The following SPP1 variants were observed in gnomAD, a reference collection of about 807,000 sequenced individuals.
SPP1 encodes osteopontin.
Under a neutral mutation model 20.8 loss-of-function variants are expected in SPP1, and 18 were observed. That is an observed-to-expected ratio of 0.87 (90% CI 0.60 to 1.29). SPP1 has a LOEUF of 1.29. SPP1 is among the 50% of genes most tolerant of loss of function. The pLI is 0.00. For synonymous variants in SPP1, 146 were observed against 141.5 expected (o/e 1.03, Z -0.23); for missense variants, 363 against 389.0 (o/e 0.93, Z 0.56).
At chr4:87,981,411 G>C in intron 5 of SPP1, 64 bp from the exon 6 acceptor site, 1 of 1,385,310 alleles carries the variant, frequency 7.2e-7, no homozygotes, top group Non-Finnish European at 1.0e-6. Flanking sequence ...AGACTAATGT[G>C]CTATAAAGGC....
At chr4:87,976,485 AT>A (rs1476978958) in intron 1 of SPP1, among the ~76,000 whole-genome samples, 2 of 152,010 alleles carry the variant, frequency 1.3e-5, no homozygotes, top group African/African-American at 4.8e-5. Context: ...AATTTTTTTC[AT>A]TTTTTTCTGT....
At chr4:87,979,342 T>A (rs540644399) in intron 3 of SPP1, among the ~76,000 whole-genome samples, 9 of 151,812 alleles carry the variant, frequency 5.9e-5, no homozygotes, top group Non-Finnish European at 1.3e-4. Context: ...TTTTTTTTAT[T>A]TTTATTTTTT....
In SPP1 at chr4:87,982,668, C is replaced by A. The variant is rs370759549; in HGVS notation, c.717C>A (p.Ser239Arg). The change falls in exon 7 of 7, where the codon AGC (serine) becomes AGA (arginine). Residue 239 changes from serine to arginine, a missense_variant. Ser to Arg is a moderately radical substitution (Grantham distance 110). Coordinates refer to ENST00000395080, the MANE Select transcript of SPP1 (RefSeq NM_001040058.2). ...QLDDQSAETHSHKQSRLYKRK... is the reference protein window; with the variant it reads ...QLDDQSAETHRHKQSRLYKRK... The stretch of plus-strand genomic sequence containing the variant: ...ATGACCAGAGTGCTGAAACCCACAG[C>A]CACAAGCAGTCCAGATTATATAAGC... 1 of 1,614,048 alleles carries A rather than the reference C, an allele frequency of 6.2e-7. No homozygotes were observed. Among genetic ancestry groups the A allele is most frequent in the East Asian group, 2.2e-5 (1 of 44,862 alleles).
chr4:87,982,404 G>T, intron 6 of SPP1, 88 bp from the exon 7 acceptor site: 1 of 1,462,002 alleles, frequency 6.8e-7, no homozygotes, highest in South Asian at 1.4e-5. Context: ...AGTATAAGAT[G>T]ACCTAAAAGC....
intron 1 of SPP1, among the ~76,000 whole-genome samples, chr4:87,976,113 G>A (rs544386923): frequency 1.3e-5 from 2 of 152,076 alleles, no homozygotes; most frequent in Non-Finnish European, 2.9e-5. Flanking sequence ...ATTTTCAGTG[G>A]GTGACTGTGC....
chr4:87,980,835 C>A (rs1725612343), intron 5 of SPP1: 1 of 171,992 alleles, frequency 5.8e-6, no homozygotes, highest in African/African-American at 2.4e-5. Flanking sequence ...ATTTGCTAAG[C>A]AAAGAGTAAA....
At chr4:87,980,489 G>A in intron 5 of SPP1, 55 bp downstream of exon 5, 1 of 1,578,804 alleles carries the variant, frequency 6.3e-7, no homozygotes, top group Non-Finnish European at 8.7e-7. Flanking sequence ...ATGAAAGAAG[G>A]CATTGCCTGG....
rs1480749910 is a variant in SPP1 at position 87,981,714 on chromosome 4, A to G, written c.456A>G (p.Thr152=). 1 of 1,614,218 alleles carries G rather than the reference A, an allele frequency of 6.2e-7. No homozygotes were observed. Among genetic ancestry groups the G allele is most frequent in the East Asian group, 2.2e-5 (1 of 44,878 alleles). The change falls in exon 6 of 7, where the codon ACA becomes ACG. Residue 152 remains threonine, a synonymous_variant. Coordinates refer to ENST00000395080, the MANE Select transcript of SPP1 (RefSeq NM_001040058.2). The stretch of plus-strand genomic sequence containing the variant: ...AAGTTTTCACTCCAGTTGTCCCCAC[A>G]GTAGACACATATGATGGCCGAGGTG... ...ATEVFTPVVP[T]VDTYDGRGDS...
intron 3 of SPP1, chr4:87,977,845 A>T: frequency 7.9e-7 from 1 of 1,258,058 alleles, no homozygotes; most frequent in Non-Finnish European, 1.0e-6. Context: ...GAAGACATTA[A>T]AAGAAGTATT....
chr4:87,978,398 T>TCCGCC (rs1725487406), intron 3 of SPP1, among the ~76,000 whole-genome samples: 1 of 141,952 alleles, frequency 7.0e-6, no homozygotes, highest in African/African-American at 2.6e-5. Flanking sequence ...CTTTTTTTTT[T>TCCGCC]TTTTTTTTTT....
intron 3 of SPP1, chr4:87,977,678 A>C (rs1051382488): frequency 8.1e-7 from 1 of 1,228,590 alleles, no homozygotes; most frequent in Non-Finnish European, 1.0e-6. Flanking sequence ...AGATGTACCT[A>C]CCCCTCCACA....
Position 87,979,191 on chromosome 4 carries a change from G to A in SPP1, c.94-855G>A, listed in dbSNP as rs536928181. On this transcript the variant is annotated intron_variant, in intron 3 of 6. Coordinates refer to ENST00000395080, the MANE Select transcript of SPP1 (RefSeq NM_001040058.2). ...TTTTTTTTTTTTTTTTTGAGATGGA[G>A]TCTTGCTCTGTCACCCAGGCTGGAG... 9.2e-3 allele frequency among the ~76,000 whole-genome samples: 1,161 copies of A among 126,030 alleles called. 15 individuals are homozygous for A. The highest frequency in any genetic ancestry group is 0.033 in the African/African-American group (1,077 of 33,032). The allele number at this position is 126,030 out of a possible 152,430, so 82.7% of individuals were successfully genotyped here. A position where few individuals can be genotyped will look rare whatever the true frequency, so the allele number is the denominator to read the frequency against.
At chr4:87,977,493 A>G (rs1256654591) in intron 3 of SPP1, among the ~76,000 whole-genome samples, 3 of 152,242 alleles carry the variant, frequency 2.0e-5, no homozygotes, top group Admixed American at 6.5e-5. Flanking sequence ...AACTGTTTGT[A>G]TGACCATAAT....
chr4:87,977,636 A>T lies in SPP1; in HGVS notation c.93+539A>T, dbSNP rs1336143190. On this transcript the variant is annotated intron_variant, in intron 3 of 6. Transcript: ENST00000395080. ...TCTAACCAAACATAAGACCAACCAA[A>T]CTCTTTATTATAATTATTTGACCAG... 4.5e-6 allele frequency: 5 copies of T among 1,105,540 alleles called. No individual in the cohort carries two copies. The African/African-American group carries it at 8.3e-5, about 18-fold the overall frequency. The allele number at this position is 1,105,540 out of a possible 1,614,324, so 68.5% of individuals were successfully genotyped here. A position where few individuals can be genotyped will look rare whatever the true frequency, so the allele number is the denominator to read the frequency against.
Position 87,977,066 on chromosome 4 carries a change from A to G in SPP1, c.62A>G (p.Gln21Arg), listed in dbSNP as rs1382184484. ...ATCTTTTCTGTTTCTAAGGTTAAAC[A>G]GGCTGATTCTGGAAGTTCTGAGGAA... Reference protein sequence around the residue: ...LGITCAIPVKQADSGSSEEKQ... With the variant: ...LGITCAIPVKRADSGSSEEKQ... Residue 21 changes from glutamine to arginine, a missense_variant, in exon 3 of 7, where the codon CAG becomes CGG. By Grantham distance (43) the Gln-to-Arg change is conservative (BLOSUM62 1). Transcript: ENST00000395080. The G allele has an allele frequency of 1.2e-6, 2 of 1,614,020 alleles. No individual in the cohort carries two copies. Among genetic ancestry groups the G allele is most frequent in the Non-Finnish European group, 1.7e-6 (2 of 1,179,972 alleles).
Position 87,982,946 on chromosome 4 carries a change from T to C in SPP1, c.*50T>C. 2.0e-6 allele frequency: 3 copies of C among 1,504,614 alleles called. No homozygotes were observed. The highest frequency in any genetic ancestry group is 1.8e-6 in the Non-Finnish European group (2 of 1,121,554). 93.2% of individuals were successfully genotyped at this position (1,504,614 alleles called of 1,614,324 possible). ...CTTTGCATTTAGTCAAAAGAAAAAA[T>C]GCTTTATAGCAAAATGAAAGAGAAC... On this transcript the variant is annotated 3_prime_UTR_variant, in exon 7 of 7. Coordinates refer to ENST00000395080, the MANE Select transcript of SPP1 (RefSeq NM_001040058.2).
rs1725396581 is a variant in SPP1 at position 87,976,842 on chromosome 4, C to G, written c.-14-40C>G. On this transcript the variant is annotated intron_variant, in intron 1 of 6. Transcript: ENST00000395080. ...TATAAAAAGGTATCACTGTTGTAAC[C>G]TATGAAGATGTCAGCTATTCCTTAT... The G allele has an allele frequency of 6.9e-6, 10 of 1,452,240 alleles. No individual in the cohort carries two copies. The South Asian group carries it at 1.2e-4, about 17-fold the overall frequency. The allele number at this position is 1,452,240 out of a possible 1,614,324, so 90.0% of individuals were successfully genotyped here. A position where few individuals can be genotyped will look rare whatever the true frequency, so the allele number is the denominator to read the frequency against.
Position 87,977,106 on chromosome 4 carries a change from C to T in SPP1, c.93+9C>T, listed in dbSNP as rs754185732. Reference sequence around the variant, plus strand: ...GTTCTGAGGAAAAGCAGGTAAGCATCTTTTATGTTTTTATATAGTTAAATC... The same window carrying T: ...GTTCTGAGGAAAAGCAGGTAAGCATTTTTTATGTTTTTATATAGTTAAATC... On this transcript the variant is annotated intron_variant, in intron 3 of 6. Transcript: ENST00000395080. The T allele has an allele frequency of 6.2e-7, 1 of 1,612,564 alleles. No homozygotes were observed. The highest frequency in any genetic ancestry group is 8.5e-7 in the Non-Finnish European group (1 of 1,179,558).
At chr4:87,982,398 T>C in intron 6 of SPP1, 94 bp from the exon 7 acceptor site, 1 of 1,434,692 alleles carries the variant, frequency 7.0e-7, no homozygotes, top group Non-Finnish European at 9.4e-7. Context: ...ATTTTTAGTA[T>C]AAGATGACCT....
Sources: gnomAD v4.1 joint callset for allele counts (sites outside exome capture counted in the v4.1 genomes callset) on GRCh38, gnomAD v4.1.1 for gene constraint, MANE v1.5 for transcripts, NCBI Gene and HGNC (gene_info 2026-07-23, HGNC 2026-07-21) for gene names.